The following PHF21A variants were observed in gnomAD, a reference collection of about 807,000 sequenced individuals.
The protein encoded by PHF21A is PHD finger protein 21A, also known as BHC80a.
In PHF21A, 11 loss-of-function variants were observed where a neutral mutation model predicts 82.5. That is an observed-to-expected ratio of 0.13 (90% CI 0.08 to 0.22). The LOEUF (loss-of-function observed/expected upper bound fraction) is 0.22. Among genes scored for constraint, PHF21A ranks in the 10% least tolerant of loss-of-function variants. The pLI is 1.00. For missense variants in PHF21A, 579 were observed against 837.8 expected, an observed-to-expected ratio of 0.69 and a Z score of 3.81; for synonymous variants, 297 against 302.8, an observed-to-expected ratio of 0.98 and a Z score of 0.20.
intron 6 of PHF21A, among the ~76,000 whole-genome samples, chr11:46,062,166 T>C (rs748598423): frequency 2.0e-4 from 31 of 152,120 alleles, no homozygotes; most frequent in Non-Finnish European, 3.8e-4. Flanking sequence ...ACGTTGTGCC[T>C]TGGTATGAGG....
chr11:46,022,568 C>G, intron 6 of PHF21A, among the ~76,000 whole-genome samples: 1 of 152,210 alleles, frequency 6.6e-6, no homozygotes, highest in East Asian at 1.9e-4. Flanking sequence ...CTCAAGCAAT[C>G]CTCCAGCCTC....
chr11:46,077,580 A>C (rs1370065170), intron 5 of PHF21A, among the ~76,000 whole-genome samples: 1 of 152,140 alleles, frequency 6.6e-6, no homozygotes, highest in Non-Finnish European at 1.5e-5. Context: ...CAATTCTTTC[A>C]ATTTACCCTG....
intron 6 of PHF21A, among the ~76,000 whole-genome samples, chr11:46,040,557 C>T (rs2096113022): frequency 6.6e-6 from 1 of 152,152 alleles, no homozygotes; most frequent in Non-Finnish European, 1.5e-5. Context: ...CTCATTACTG[C>T]AGTACATTAG....
intron 16 of PHF21A, 85 bp downstream of exon 16, chr11:45,938,072 G>A (rs1336765530): frequency 2.5e-6 from 3 of 1,191,512 alleles, no homozygotes; most frequent in African/African-American, 3.0e-5. Context: ...AGAAGAGACT[G>A]CCATTTCCCC....
chr11:45,953,743 CAT>C, intron 10 of PHF21A, 118 bp from the exon 11 acceptor site: 1 of 661,254 alleles, frequency 1.5e-6, no homozygotes, highest in Non-Finnish European at 2.7e-6. Context: ...AAATGTGGAA[CAT>C]ATTAATAAAA....
intron 6 of PHF21A, among the ~76,000 whole-genome samples, chr11:46,056,705 C>T (rs962039105): frequency 4.6e-5 from 7 of 151,992 alleles, no homozygotes; most frequent in Admixed American, 2.0e-4. Flanking sequence ...CAGGATTTAG[C>T]GGCAGAAATA....
intron 6 of PHF21A, among the ~76,000 whole-genome samples, chr11:46,019,911 C>T (rs1485422248): frequency 6.6e-6 from 1 of 152,036 alleles, no homozygotes; most frequent in Admixed American, 6.6e-5. Flanking sequence ...TTTCAGGGTT[C>T]CTAATAATCT....
intron 6 of PHF21A, among the ~76,000 whole-genome samples, chr11:46,074,704 C>T (rs571018059): frequency 3.9e-5 from 6 of 152,202 alleles, no homozygotes; most frequent in African/African-American, 1.2e-4. Flanking sequence ...GGTTTTGCCA[C>T]GTTGGCCAGG....
rs540323992 is a variant in PHF21A, at chr11:45,932,301, A to G, written c.*1667T>C. On this transcript the variant is annotated 3_prime_UTR_variant, in exon 19 of 19. Transcript: ENST00000676320. This position sits in a 1 kb window ranked among gnomAD's most constrained non-coding sequence, Gnocchi z 4.3. ...CCAAAGGAAGGGATCTTATTTAGGC[A>G]CCAGCCTTTTGCTCTAGCAGAATCT... 6.6e-6 allele frequency: 1 copy of G among 152,392 alleles called. No homozygotes were observed. Among genetic ancestry groups the G allele is most frequent in the South Asian group, 2.1e-4 (1 of 4,830 alleles). The allele number at this position is 152,392 out of a possible 1,614,324, so 9.4% of individuals were successfully genotyped here.
At chr11:46,054,967 T>G (rs953577) in intron 6 of PHF21A, among the ~76,000 whole-genome samples, 2,608 of 152,284 alleles carry the variant, frequency 0.017, 111 homozygotes, top group Admixed American at 0.085. Context: ...AAGCATTTTA[T>G]TTTAGTTTAA....
chr11:46,007,917 G>A (rs2095332737), intron 6 of PHF21A, among the ~76,000 whole-genome samples: 1 of 152,118 alleles, frequency 6.6e-6, no homozygotes, highest in Non-Finnish European at 1.5e-5. Flanking sequence ...ACAATAATCC[G>A]TGTTGTTATG....
At chr11:46,064,310 G>A (rs916944308) in intron 6 of PHF21A, among the ~76,000 whole-genome samples, 1 of 152,128 alleles carries the variant, frequency 6.6e-6, no homozygotes, top group Non-Finnish European at 1.5e-5. Flanking sequence ...ATGGAGGTGC[G>A]AGCAGGAGAA....
chr11:46,079,317 T>C lies in PHF21A; in HGVS notation c.55-151A>G, dbSNP rs1237131460. ...ACAGACTAAAACCTTCTGTGATCCATGTAATAGGCTCAGGAGACACTTCCT... is the reference window on the plus strand; with the variant it reads ...ACAGACTAAAACCTTCTGTGATCCACGTAATAGGCTCAGGAGACACTTCCT... On this transcript the variant is annotated intron_variant, in intron 4 of 18. Transcript: ENST00000676320. The C allele has an allele frequency of 9.7e-6, 5 of 517,926 alleles. No individual in the cohort carries two copies. In the Admixed American group the frequency reaches 1.2e-4, roughly 12 times the overall value. The allele number at this position is 517,926 out of a possible 1,614,324, so 32.1% of individuals were successfully genotyped here.
intron 14 of PHF21A, among the ~76,000 whole-genome samples, chr11:45,946,713 A>G (rs928528511): frequency 3.3e-5 from 5 of 152,060 alleles, no homozygotes; most frequent in African/African-American, 1.2e-4. Context: ...ACTGTTCTCT[A>G]AGGTTTCTCT....
At chr11:45,989,490 TAAAA>T (rs57370032) in intron 6 of PHF21A, among the ~76,000 whole-genome samples, 1 of 100,934 alleles carries the variant, frequency 9.9e-6, no homozygotes. Context: ...CCATCTCTAC[TAAAA>T]AAAAAAAAAA....
chr11:46,061,844 T>A (rs1455064507), intron 6 of PHF21A, among the ~76,000 whole-genome samples: 1 of 152,190 alleles, frequency 6.6e-6, no homozygotes, highest in African/African-American at 2.4e-5. Context: ...ATGGAGAACC[T>A]CCTCCAATAG....
chr11:45,947,120 C>T (rs749838069), intron 14 of PHF21A, among the ~76,000 whole-genome samples: 1 of 152,134 alleles, frequency 6.6e-6, no homozygotes, highest in Admixed American at 6.5e-5. Context: ...AACTGAGAGA[C>T]CTGATTTGTG....
intron 15 of PHF21A, among the ~76,000 whole-genome samples, chr11:45,944,711 C>T (rs1218877031): frequency 6.6e-6 from 1 of 152,248 alleles, no homozygotes; most frequent in Non-Finnish European, 1.5e-5. Context: ...GGCTTCACCA[C>T]TCTTCATAAA....
intron 6 of PHF21A, among the ~76,000 whole-genome samples, chr11:46,025,528 T>A (rs1448557968): frequency 1.3e-5 from 2 of 152,184 alleles, no homozygotes; most frequent in Non-Finnish European, 2.9e-5. Flanking sequence ...AAAAGAAAAA[T>A]TCCTTTACCT....
Sources: gnomAD v4.1 joint callset for allele counts (sites outside exome capture counted in the v4.1 genomes callset) on GRCh38, gnomAD v4.1.1 for gene constraint, Gnocchi (gnomAD v3.1) non-coding constraint, MANE v1.5 for transcripts, NCBI Gene and HGNC (gene_info 2026-07-23, HGNC 2026-07-21) for gene names.